Variants in SYK observed in about 807,000 individuals in gnomAD.
The protein encoded by SYK is spleen associated tyrosine kinase.
SYK carries 16 observed loss-of-function variants against 77.8 expected under a neutral mutation model. That is an observed-to-expected ratio of 0.21 (90% confidence interval 0.14 to 0.31). The LOEUF (loss-of-function observed/expected upper bound fraction) is 0.31, where lower values mean the gene tolerates loss of function less well. SYK is among the 10% of genes least tolerant of loss of function. The pLI, the probability that SYK is intolerant of heterozygous loss-of-function variation, is 1.00. For synonymous variants in SYK, 312 were observed against 308.7 expected, an observed-to-expected ratio of 1.01 and a Z score of -0.11; for missense variants, 529 against 814.4, an observed-to-expected ratio of 0.65 and a Z score of 4.26.
chr9:90,812,743 G>GTGTGTGTGTGTATA (rs775445252), intron 1 of SYK, among the ~76,000 whole-genome samples: 90 of 81,844 alleles, frequency 1.1e-3, no homozygotes, highest in Non-Finnish European at 2.1e-3. Flanking sequence ...CATTTGATAT[G>GTGTGTGTGTGTATA]TGTGTGTGTG....
At position 90,812,760 on chromosome 9, in the gene SYK, T is replaced by TGC. The variant is rs1564068042; in HGVS notation, c.-42+10868_-42+10869insCG. Among the ~76,000 whole-genome samples, 46 of 89,444 alleles carry TGC rather than the reference T, an allele frequency of 5.1e-4. No individual in the cohort carries two copies. The East Asian group carries it at 0.022, about 43-fold the overall frequency. The allele number at this position is 89,444 out of a possible 152,430, so 58.7% of individuals were successfully genotyped here. On this transcript the variant is annotated intron_variant, in intron 1 of 13. Coordinates refer to ENST00000375754, the MANE Select transcript of SYK (RefSeq NM_003177.7). ...TTTGATATGTGTGTGTGTGTGTGTGTGTGTGTGTGTGTGTGTGTGAGAGAG... is the reference window on the plus strand; with the variant it reads ...TTTGATATGTGTGTGTGTGTGTGTGTGCGTGTGTGTGTGTGTGTGTGAGAGAG...
rs1018489039 is a variant in SYK, at chr9:90,867,073, G to A, written c.847-58G>A. Reference sequence around the variant, plus strand: ...AATTTAAGTAGCATGTCGTGGAAGGGATCCTGTATTTGTTTTCTGAAACAT... The same window carrying A: ...AATTTAAGTAGCATGTCGTGGAAGGAATCCTGTATTTGTTTTCTGAAACAT... On this transcript the variant is annotated intron_variant, in intron 6 of 13. Coordinates refer to ENST00000375754, the MANE Select transcript of SYK (RefSeq NM_003177.7). The A allele has an allele frequency of 1.9e-5, 31 of 1,591,562 alleles. No homozygotes were observed. The South Asian group carries it at 3.4e-4, about 18-fold the overall frequency.
At chr9:90,854,738 C>A (rs1464664160) in intron 3 of SYK, among the ~76,000 whole-genome samples, 2 of 152,088 alleles carry the variant, frequency 1.3e-5, no homozygotes, top group Non-Finnish European at 2.9e-5. Flanking sequence ...CCCATGCCAC[C>A]ACTGAATCCC....
chr9:90,887,835 G>A lies in SYK; in HGVS notation c.1668G>A (p.Trp556Ter). 6.2e-7 allele frequency: 1 copy of A among 1,613,350 alleles called. No homozygotes were observed. The highest frequency in any genetic ancestry group is 8.5e-7 in the Non-Finnish European group (1 of 1,179,700). Residue 556 changes from tryptophan to a stop codon, truncating the protein, a stop_gained, in exon 12 of 14, where the codon TGG becomes TGA. Coordinates refer to ENST00000375754, the MANE Select transcript of SYK (RefSeq NM_003177.7). LOFTEE classifies it high-confidence loss of function. ...YYKFSSKSDV[W>*]SFGVLMWEAF... ...AGTTCTCCAGCAAAAGCGATGTCTG[G>A]AGCTTTGGAGTGTTGATGTGGGAAG...
chr9:90,861,846 G>A lies in SYK; in HGVS notation c.579-360G>A, dbSNP rs193301104. On this transcript the variant is annotated intron_variant, in intron 3 of 13. Coordinates refer to ENST00000375754, the MANE Select transcript of SYK (RefSeq NM_003177.7). ...GCTCCACAGATAATCAGGGCCCGTG[G>A]TGCCCCTGTGCTCATCACCCTGAGA... 3.1e-3 allele frequency among the ~76,000 whole-genome samples: 475 copies of A among 152,300 alleles called. 1 individual carries two copies. The highest frequency in any genetic ancestry group is 0.01 in the African/African-American group (433 of 41,560).
intron 1 of SYK, among the ~76,000 whole-genome samples, chr9:90,814,891 C>G (rs72729011): frequency 9.2e-5 from 14 of 152,114 alleles, no homozygotes; most frequent in Non-Finnish European, 1.6e-4. Context: ...CTCAGTCACC[C>G]GGGAACTGAC....
At chr9:90,863,338 A>G (rs1230727550) in intron 4 of SYK, among the ~76,000 whole-genome samples, 4 of 152,268 alleles carry the variant, frequency 2.6e-5, no homozygotes, top group African/African-American at 9.6e-5. Flanking sequence ...GGCGTGTTCC[A>G]ATGTCCTCAC....
At chr9:90,884,931 G>T (rs370757553) in intron 11 of SYK, among the ~76,000 whole-genome samples, 2 of 13,994 alleles carry the variant, frequency 1.4e-4, no homozygotes, top group South Asian at 2.1e-3. Context: ...ATATACATAT[G>T]CACATATGTG....
intron 13 of SYK, among the ~76,000 whole-genome samples, chr9:90,891,520 A>G (rs757832129): frequency 6.6e-6 from 1 of 151,970 alleles, no homozygotes; most frequent in Non-Finnish European, 1.5e-5. Flanking sequence ...GCCGGCATTT[A>G]CCTATGTGAG....
intron 9 of SYK, among the ~76,000 whole-genome samples, chr9:90,875,178 T>G (rs572862455): frequency 5.9e-5 from 9 of 151,940 alleles, no homozygotes; most frequent in Non-Finnish European, 1.2e-4. Context: ...ATAGGAGGAT[T>G]GTTTGAGGCC....
At chr9:90,871,151 A>C (rs1827712591) in intron 7 of SYK, among the ~76,000 whole-genome samples, 1 of 152,244 alleles carries the variant, frequency 6.6e-6, no homozygotes, top group Admixed American at 6.5e-5. Flanking sequence ...TCCTTACCTG[A>C]ATTTATAAAA....
At position 90,815,856 on chromosome 9, in the gene SYK, C is replaced by T. The variant is rs145152397; in HGVS notation, c.-42+13963C>T. Among the ~76,000 whole-genome samples, 387 of 152,296 alleles carry T rather than the reference C, an allele frequency of 2.5e-3. 1 individual carries two copies. Among genetic ancestry groups the T allele is most frequent in the African/African-American group, 9.0e-3 (376 of 41,568 alleles). On this transcript the variant is annotated intron_variant, in intron 1 of 13. Transcript: ENST00000375754. The stretch of plus-strand genomic sequence containing the variant: ...CAGCTCTGTTTGGATCAGTTTTGAA[C>T]CCCAGAACCTTCCACATAGAGGTGA...
At position 90,895,448 on chromosome 9, in the gene SYK, C is replaced by T. The variant is rs1587934353; in HGVS notation, c.1836-80C>T. 1 of 1,473,056 alleles carries T rather than the reference C, an allele frequency of 6.8e-7. No homozygotes were observed. Among genetic ancestry groups the T allele is most frequent in the East Asian group, 2.3e-5 (1 of 44,160 alleles). The allele number at this position is 1,473,056 out of a possible 1,614,324, so 91.2% of individuals were successfully genotyped here. A position where few individuals can be genotyped will look rare whatever the true frequency, so the allele number is the denominator to read the frequency against. Reference sequence around the variant, plus strand: ...ACCAGGGAGCAGCACCACTGGTACTCAGCCTGCAGAGGCCCTGCTTGTGAT... The same window carrying T: ...ACCAGGGAGCAGCACCACTGGTACTTAGCCTGCAGAGGCCCTGCTTGTGAT... On this transcript the variant is annotated intron_variant, in intron 13 of 13. Coordinates refer to ENST00000375754, the MANE Select transcript of SYK (RefSeq NM_003177.7). The surrounding 1 kb of genome is among the most constrained non-coding windows in gnomAD (Gnocchi z 4.4).
chr9:90,882,187 T>G lies in SYK; in HGVS notation c.1581+3234T>G, dbSNP rs1321027815. ...CATTTAAGATTTGTCAAAGGTTTAC[T>G]TTTTTCATCAGTTCAAAATTCAGAA... On this transcript the variant is annotated intron_variant, in intron 11 of 13. Transcript: ENST00000375754. 3.3e-5 allele frequency among the ~76,000 whole-genome samples: 5 copies of G among 152,252 alleles called. No homozygotes were observed. The East Asian group carries it at 9.6e-4, about 29-fold the overall frequency.
At position 90,868,006 on chromosome 9, in the gene SYK, C is replaced by T. The variant is rs535496314; in HGVS notation, c.915+807C>T. Among the ~76,000 whole-genome samples the T allele has an allele frequency of 2.0e-5, 3 of 152,180 alleles. No individual in the cohort carries two copies. In the South Asian group the frequency reaches 6.2e-4, roughly 32 times the overall value. ...TCATATTACTTGGTGTTTTTACCGACATTTTAGCATATAATTGAGCATCCA... is the reference window on the plus strand; with the variant it reads ...TCATATTACTTGGTGTTTTTACCGATATTTTAGCATATAATTGAGCATCCA... On this transcript the variant is annotated intron_variant, in intron 7 of 13. Coordinates refer to ENST00000375754, the MANE Select transcript of SYK (RefSeq NM_003177.7).
At chr9:90,826,090 A>G (rs762857090) in intron 1 of SYK, among the ~76,000 whole-genome samples, 23 of 152,220 alleles carry the variant, frequency 1.5e-4, no homozygotes, top group Non-Finnish European at 2.9e-4. Context: ...TCCAGGGAAC[A>G]AGAAGGAGCT....
intron 3 of SYK, among the ~76,000 whole-genome samples, chr9:90,860,896 G>A (rs1344497478): frequency 1.3e-5 from 2 of 152,034 alleles, no homozygotes; most frequent in African/African-American, 2.4e-5. Flanking sequence ...GTACCCAGAC[G>A]TCCCAAGGCA....
rs71360457 is a variant in SYK at position 90,840,554 on chromosome 9, T to TAAA, written c.-41-3284_-41-3282dup. On this transcript the variant is annotated intron_variant, in intron 1 of 13. Coordinates refer to ENST00000375754, the MANE Select transcript of SYK (RefSeq NM_003177.7). ...TAATGCGGTGAAACCCCGTCTCTTC[T>TAAA]AAAAAAAAAAAAAAAAAAAAAACTG... Among the ~76,000 whole-genome samples the TAAA allele has an allele frequency of 1.2e-3, 130 of 106,980 alleles. 1 individual carries two copies. Among genetic ancestry groups the TAAA allele is most frequent in the African/African-American group, 2.7e-3 (77 of 28,800 alleles). 70.2% of individuals were successfully genotyped at this position (106,980 alleles called of 152,430 possible). A position where few individuals can be genotyped will look rare whatever the true frequency, so the allele number is the denominator to read the frequency against.
At chr9:90,836,636 A>G (rs763107322) in intron 1 of SYK, among the ~76,000 whole-genome samples, 5 of 152,220 alleles carry the variant, frequency 3.3e-5, no homozygotes, top group Admixed American at 6.5e-5. Flanking sequence ...TGAGCAGTTC[A>G]TCTCTCCAGT....
Sources: gnomAD v4.1 joint callset for allele counts (sites outside exome capture counted in the v4.1 genomes callset) on GRCh38, gnomAD v4.1.1 for gene constraint, Gnocchi (gnomAD v3.1) non-coding constraint, MANE v1.5 for transcripts, NCBI Gene and HGNC (gene_info 2026-07-23, HGNC 2026-07-21) for gene names.